The following IMMP2L variants were observed in gnomAD, a reference collection of about 807,000 sequenced individuals.
IMMP2L encodes mitochondrial inner membrane protease subunit 2.
IMMP2L carries 18 observed loss-of-function variants against 19.3 expected under a neutral mutation model. The ratio of observed to expected loss-of-function variants is 0.93; its 90% CI spans 0.64 to 1.38. The LOEUF is 1.38. Among genes scored for constraint, IMMP2L ranks in the 40% most tolerant of loss-of-function variants. The pLI is 0.00. For synonymous variants in IMMP2L, 76 were observed against 73.0 expected (o/e 1.04, Z -0.21); for missense variants, 233 against 218.2 (o/e 1.07, Z -0.43).
At chr7:111,312,588 A>G (rs1375702542) in intron 3 of IMMP2L, among the ~76,000 whole-genome samples, 1 of 152,160 alleles carries the variant, frequency 6.6e-6, no homozygotes, top group South Asian at 2.1e-4. Context: ...AGTGTAGTCA[A>G]AAACAGCCAA....
In IMMP2L at chr7:111,338,324, T is replaced by C. The variant is rs540858321; in HGVS notation, c.239+148914A>G. On this transcript the variant is annotated intron_variant, in intron 3 of 5. Coordinates refer to ENST00000405709, the MANE Select transcript of IMMP2L (RefSeq NM_032549.4). ...GCTATTTTTTTTCTCCTTAGCACGT[T>C]CCTCCCCCCCTTTTTTTGCTATGAA... Among the ~76,000 whole-genome samples, 34 of 152,062 alleles carry C rather than the reference T, an allele frequency of 2.2e-4. No individual in the cohort carries two copies. The East Asian group carries it at 2.7e-3, about 12-fold the overall frequency.
At chr7:111,073,905 T>G (rs1795168724) in intron 3 of IMMP2L, among the ~76,000 whole-genome samples, 1 of 152,182 alleles carries the variant, frequency 6.6e-6, no homozygotes, top group Non-Finnish European at 1.5e-5. Flanking sequence ...TGGGATAAAT[T>G]GTTGCATATA....
In IMMP2L at chr7:111,281,148, CAGAAAGACAGAAAGAAAGAAAGAAAGAA is replaced by C. The variant is rs1563004077; in HGVS notation, c.239+206062_239+206089del. 3.1e-3 allele frequency among the ~76,000 whole-genome samples: 174 copies of C among 55,364 alleles called. 7 individuals are homozygous for C. Among genetic ancestry groups the C allele is most frequent in the Middle Eastern group, 8.2e-3 (1 of 122 alleles). 36.3% of individuals were successfully genotyped at this position (55,364 alleles called of 152,430 possible). A position where few individuals can be genotyped will look rare whatever the true frequency, so the allele number is the denominator to read the frequency against. On this transcript the variant is annotated intron_variant, in intron 3 of 5. Transcript: ENST00000405709. The stretch of plus-strand genomic sequence containing the variant: ...AGAGAAAGAGAGAAAGACAGAAAGA[CAGAAAGACAGAAAGAAAGAAAGAAAGAA>C]AGAAAGAAAGAAAGAAAGAAAGAAA...
At chr7:110,862,593 G>C (rs1198243612) in intron 5 of IMMP2L, among the ~76,000 whole-genome samples, 1 of 151,416 alleles carries the variant, frequency 6.6e-6, no homozygotes, top group Non-Finnish European at 1.5e-5. Flanking sequence ...TGATCCTCCT[G>C]CCTCAGCCTC....
intron 3 of IMMP2L, among the ~76,000 whole-genome samples, chr7:111,328,351 C>G (rs1311886715): frequency 6.6e-6 from 1 of 151,684 alleles, no homozygotes; most frequent in African/African-American, 2.4e-5. Flanking sequence ...TACATGGCAG[C>G]TAGAACTAAA....
chr7:111,084,394 C>A (rs1161584994), intron 3 of IMMP2L, among the ~76,000 whole-genome samples: 1 of 151,316 alleles, frequency 6.6e-6, no homozygotes, highest in African/African-American at 2.4e-5. Context: ...TACAGAGTGC[C>A]TGGGGATCAC....
chr7:111,516,400 G>GA (rs751601695), intron 2 of IMMP2L, among the ~76,000 whole-genome samples: 1 of 150,288 alleles, frequency 6.7e-6, no homozygotes, highest in Non-Finnish European at 1.5e-5. Flanking sequence ...AAGAGGGAGG[G>GA]AAAAAAGATA....
chr7:110,772,544 G>C (rs774238838), intron 5 of IMMP2L, among the ~76,000 whole-genome samples: 5 of 152,138 alleles, frequency 3.3e-5, no homozygotes, highest in Non-Finnish European at 5.9e-5. Flanking sequence ...TTGGCTACGA[G>C]CCCCTTCAAT....
At chr7:111,285,048 T>G (rs756891873) in intron 3 of IMMP2L, among the ~76,000 whole-genome samples, 2 of 152,052 alleles carry the variant, frequency 1.3e-5, no homozygotes, top group Non-Finnish European at 2.9e-5. Flanking sequence ...GAAGAGCTTC[T>G]CAGATGAATG....
intron 3 of IMMP2L, chr7:111,122,612 G>A (rs569532096): frequency 1.7e-6 from 1 of 602,904 alleles, no homozygotes; most frequent in Non-Finnish European, 3.0e-6. Context: ...TGCAATTGTG[G>A]CACTGGCACT....
chr7:111,046,735 A>C (rs960645934), intron 3 of IMMP2L, among the ~76,000 whole-genome samples: 1 of 152,184 alleles, frequency 6.6e-6, no homozygotes, highest in African/African-American at 2.4e-5. Flanking sequence ...GTCCATATAT[A>C]CCAAAGAAAG....
chr7:111,485,929 T>C (rs1311718452), intron 3 of IMMP2L, among the ~76,000 whole-genome samples: 2 of 152,130 alleles, frequency 1.3e-5, no homozygotes, highest in South Asian at 2.1e-4. Flanking sequence ...GTGTGACCTC[T>C]TTCACTTGGG....
chr7:111,120,937 C>CA (rs545042207), intron 3 of IMMP2L, among the ~76,000 whole-genome samples: 14,176 of 131,974 alleles, frequency 0.11, 1,535 homozygotes, highest in African/African-American at 0.29. Context: ...CTCTAACAGG[C>CA]AAAAAAAAAA....
chr7:110,927,067 T>TA (rs1563086290), intron 4 of IMMP2L, among the ~76,000 whole-genome samples: 1 of 152,142 alleles, frequency 6.6e-6, no homozygotes, highest in Non-Finnish European at 1.5e-5. Flanking sequence ...GGTTGGGATA[T>TA]AAAAAACAAC....
At chr7:110,970,521 T>A (rs1820037709) in intron 3 of IMMP2L, among the ~76,000 whole-genome samples, 3 of 152,066 alleles carry the variant, frequency 2.0e-5, no homozygotes. Flanking sequence ...GTTGTGAAAA[T>A]CATATTCCCT....
Position 110,705,934 on chromosome 7 carries a change from T to G in IMMP2L, c.409-42213A>C, listed in dbSNP as rs959854762. Among the ~76,000 whole-genome samples the G allele has an allele frequency of 2.0e-5, 3 of 152,158 alleles. No homozygotes were observed. In the East Asian group the frequency reaches 5.8e-4, roughly 29 times the overall value. On this transcript the variant is annotated intron_variant, in intron 5 of 5. Transcript: ENST00000405709. ...GCTGCGTAGTATTCCATGGTGTATA[T>G]GTACTACATTTTCTTTATCCTATGC...
At chr7:111,380,876 C>T (rs1453040903) in intron 3 of IMMP2L, among the ~76,000 whole-genome samples, 4 of 151,128 alleles carry the variant, frequency 2.6e-5, no homozygotes, top group African/African-American at 9.9e-5. Context: ...CAGTATTCTC[C>T]ACAAAAAAGT....
chr7:111,434,859 A>C (rs1178111176), intron 3 of IMMP2L, among the ~76,000 whole-genome samples: 1 of 151,906 alleles, frequency 6.6e-6, no homozygotes, highest in Non-Finnish European at 1.5e-5. Context: ...CTGGCTGAAC[A>C]GCCATTTTTC....
At chr7:110,858,338 TAAA>T (rs1041663677) in intron 5 of IMMP2L, among the ~76,000 whole-genome samples, 7 of 152,098 alleles carry the variant, frequency 4.6e-5, no homozygotes, top group African/African-American at 1.7e-4. Context: ...TCCTTGTTCC[TAAA>T]AACTGCAGGG....
Sources: allele counts gnomAD v4.1 joint callset (sites outside exome capture counted in the v4.1 genomes callset), GRCh38; gene constraint gnomAD v4.1.1; transcripts MANE v1.5; gene names NCBI Gene and HGNC (gene_info 2026-07-23, HGNC 2026-07-21).